Variants in ADGRV1 observed in about 807,000 individuals in gnomAD.
The protein encoded by ADGRV1 is G-protein coupled receptor 98.
In ADGRV1, 359 loss-of-function variants were observed where a neutral mutation model predicts 596.2. That is an observed-to-expected ratio of 0.60 (90% CI 0.55 to 0.66). The LOEUF is 0.66. Among genes scored for constraint, ADGRV1 ranks in the 30% least tolerant of loss-of-function variants. The pLI is 0.00. For synonymous variants in ADGRV1, 2,681 were observed against 2,679.2 expected (o/e 1.00, Z -0.02); for missense variants, 7,274 against 7,575.6 (o/e 0.96, Z 1.48).
chr5:90,893,836 A>G (rs1247805453), intron 83 of ADGRV1, among the ~76,000 whole-genome samples: 3 of 152,194 alleles, frequency 2.0e-5, no homozygotes, highest in Non-Finnish European at 2.9e-5. Context: ...TGCAGTGACA[A>G]AAGGTTGTTC....
At chr5:90,848,309 A>T (rs1164127136) in intron 78 of ADGRV1, among the ~76,000 whole-genome samples, 1 of 152,126 alleles carries the variant, frequency 6.6e-6, no homozygotes, top group Non-Finnish European at 1.5e-5. Context: ...GTAGATGTAA[A>T]AGTGAGACTA....
intron 28 of ADGRV1, 27 bp from the exon 29 acceptor site, chr5:90,685,753 G>A: frequency 1.3e-6 from 2 of 1,563,962 alleles, no homozygotes; most frequent in African/African-American, 1.3e-5. Flanking sequence ...AGCTTTCTGT[G>A]TTCTGTGTGG....
chr5:91,045,305 C>T (rs146776187), intron 85 of ADGRV1, among the ~76,000 whole-genome samples: 5 of 152,228 alleles, frequency 3.3e-5, no homozygotes, highest in African/African-American at 4.8e-5. Context: ...TACTGGCTAA[C>T]GGAATCCAAC....
At chr5:90,786,090 G>T (rs966372941) in intron 67 of ADGRV1, among the ~76,000 whole-genome samples, 1 of 152,144 alleles carries the variant, frequency 6.6e-6, no homozygotes, top group African/African-American at 2.4e-5. Flanking sequence ...ATGAGTTCAT[G>T]TCCTTTGCAG....
intron 1 of ADGRV1, among the ~76,000 whole-genome samples, chr5:90,573,427 G>A (rs1580313522): frequency 6.6e-6 from 1 of 152,094 alleles, no homozygotes; most frequent in Non-Finnish European, 1.5e-5. Flanking sequence ...GAACCACACA[G>A]CTGGGCTATA....
intron 21 of ADGRV1, among the ~76,000 whole-genome samples, chr5:90,668,215 G>A (rs1325650956): frequency 6.6e-6 from 1 of 152,012 alleles, no homozygotes; most frequent in Non-Finnish European, 1.5e-5. Flanking sequence ...CAGCCTCGCT[G>A]CCGCCTTGCA....
At chr5:90,679,738 C>A (rs907344484) in intron 26 of ADGRV1, 109 bp downstream of exon 26, 56 of 621,326 alleles carry the variant, frequency 9.0e-5, no homozygotes, top group African/African-American at 1.9e-5. Flanking sequence ...AGGTCCTTTA[C>A]ATATTTTATC....
intron 84 of ADGRV1, among the ~76,000 whole-genome samples, chr5:90,975,818 A>C (rs967402381): frequency 1.3e-5 from 2 of 151,788 alleles, no homozygotes; most frequent in Admixed American, 1.3e-4. Context: ...AAACCTGCAC[A>C]TTGTGCACAT....
intron 1 of ADGRV1, among the ~76,000 whole-genome samples, chr5:90,582,145 G>T (rs1758149631): frequency 6.8e-6 from 1 of 147,828 alleles, no homozygotes; most frequent in Non-Finnish European, 1.5e-5. Flanking sequence ...TCTGTATGCA[G>T]ATGAGAAGAT....
At position 90,836,258 on chromosome 5, in the gene ADGRV1, T is replaced by A. The variant is rs758855506; in HGVS notation, c.16612-4320T>A. Reference sequence around the variant, plus strand: ...TTTATTCCTGATAAATGAAAACTTATGTTCACACAAAAACTTGCACATGAA... The same window carrying A: ...TTTATTCCTGATAAATGAAAACTTAAGTTCACACAAAAACTTGCACATGAA... On this transcript the variant is annotated intron_variant, in intron 77 of 89. Transcript: ENST00000405460. Among the ~76,000 whole-genome samples the A allele has an allele frequency of 2.0e-5, 3 of 152,314 alleles. No homozygotes were observed. The East Asian group carries it at 5.8e-4, about 29-fold the overall frequency.
intron 51 of ADGRV1, 124 bp from the exon 52 acceptor site, chr5:90,745,467 T>G (rs1038958666): frequency 2.6e-6 from 2 of 778,564 alleles, no homozygotes; most frequent in Non-Finnish European, 4.0e-6. Flanking sequence ...GGATTAAAAT[T>G]TTCGTTATGA....
chr5:90,934,392 C>G (rs769265301), intron 83 of ADGRV1, among the ~76,000 whole-genome samples: 1 of 152,136 alleles, frequency 6.6e-6, no homozygotes, highest in African/African-American at 2.4e-5. Flanking sequence ...TTGGTTATTT[C>G]GGAACATTAT....
At chr5:91,156,071 AGGAGGAAACT>A (rs1372122122) in intron 89 of ADGRV1, among the ~76,000 whole-genome samples, 1 of 152,236 alleles carries the variant, frequency 6.6e-6, no homozygotes. Flanking sequence ...ATTTGTTTGC[AGGAGGAAACT>A]GATGAGTTCA....
At chr5:90,560,749 CT>C (rs763470792) in intron 1 of ADGRV1, among the ~76,000 whole-genome samples, 17 of 152,064 alleles carry the variant, frequency 1.1e-4, no homozygotes, top group Non-Finnish European at 1.8e-4. Context: ...CATATTTATG[CT>C]GTATATTTAT....
chr5:90,606,936 G>T (rs1247154957), intron 1 of ADGRV1, among the ~76,000 whole-genome samples: 1 of 152,142 alleles, frequency 6.6e-6, no homozygotes, highest in Non-Finnish European at 1.5e-5. Flanking sequence ...TTGAGAAAGG[G>T]TATGTAGAGA....
rs6862666 is a variant in ADGRV1 at position 90,956,040 on chromosome 5, T to A, written c.17857-9375T>A. On this transcript the variant is annotated intron_variant, in intron 83 of 89. Coordinates refer to ENST00000405460, the MANE Select transcript of ADGRV1 (RefSeq NM_032119.4). The stretch of plus-strand genomic sequence containing the variant: ...CTATTGTTAGATTTATATAGAATTT[T>A]ATTAGTCTTGCTCAGTTTCTCTTCA... Among the ~76,000 whole-genome samples, 813 of 152,292 alleles carry A rather than the reference T, an allele frequency of 5.3e-3. 7 individuals carry two copies. The highest frequency in any genetic ancestry group is 0.019 in the African/African-American group (782 of 41,564).
Position 90,766,130 on chromosome 5 carries a change from T to C in ADGRV1, c.12285+2661T>C, listed in dbSNP as rs189487950. Among the ~76,000 whole-genome samples the C allele has an allele frequency of 4.9e-3, 750 of 152,150 alleles. 1 individual carries two copies. The highest frequency in any genetic ancestry group is 0.012 in the African/African-American group (506 of 41,516). ...TTCACTGTGTTAGCCAGGATGGTCT[T>C]GATCTCCTGACCTCATGATCCGCCC... On this transcript the variant is annotated intron_variant, in intron 59 of 89. Coordinates refer to ENST00000405460, the MANE Select transcript of ADGRV1 (RefSeq NM_032119.4).
chr5:90,744,936 C>A, intron 50 of ADGRV1, 110 bp from the exon 51 acceptor site: 1 of 714,546 alleles, frequency 1.4e-6, no homozygotes, highest in South Asian at 1.9e-5. Context: ...CCTCAGAAAT[C>A]ACAATGGAAC....
At chr5:90,856,678 A>T (rs1767053323) in intron 82 of ADGRV1, among the ~76,000 whole-genome samples, 1 of 152,138 alleles carries the variant, frequency 6.6e-6, no homozygotes, top group Non-Finnish European at 1.5e-5. Flanking sequence ...GGTAATGGTT[A>T]AAAAATGCAA....
Sources: gnomAD v4.1 joint callset for allele counts (sites outside exome capture counted in the v4.1 genomes callset) on GRCh38, gnomAD v4.1.1 for gene constraint, MANE v1.5 for transcripts, NCBI Gene and HGNC (gene_info 2026-07-23, HGNC 2026-07-21) for gene names.